Variants in THSD7B observed in about 807,000 individuals in gnomAD.
THSD7B encodes the protein thrombospondin type-1 domain-containing protein 7B.
In THSD7B, 138 loss-of-function variants were observed where a neutral mutation model predicts 213.6. That is an observed-to-expected ratio of 0.65 (90% CI 0.56 to 0.74). The LOEUF is 0.74. Among genes scored for constraint, THSD7B ranks in the 30% least tolerant of loss-of-function variants. The pLI, the probability that THSD7B is intolerant of heterozygous loss-of-function variation, is 0.00. For synonymous variants in THSD7B, 742 were observed against 687.0 expected, an observed-to-expected ratio of 1.08 and a Z score of -1.25; for missense variants, 1,931 against 1,991.5, an observed-to-expected ratio of 0.97 and a Z score of 0.58.
At chr2:137,216,782 C>T (rs1327036937) in intron 7 of THSD7B, among the ~76,000 whole-genome samples, 1 of 152,120 alleles carries the variant, frequency 6.6e-6, no homozygotes, top group African/African-American at 2.4e-5. Flanking sequence ...TTGAATAAGT[C>T]ACATGAGGCC....
At chr2:137,433,695 T>G (rs1687233816) in intron 14 of THSD7B, among the ~76,000 whole-genome samples, 1 of 152,220 alleles carries the variant, frequency 6.6e-6, no homozygotes, top group Admixed American at 6.5e-5. Flanking sequence ...ACTGCTTTTG[T>G]GCATGTTTTA....
chr2:137,265,590 A>G (rs542979077), intron 10 of THSD7B, among the ~76,000 whole-genome samples: 1 of 152,352 alleles, frequency 6.6e-6, no homozygotes, highest in African/African-American at 2.4e-5. Context: ...GAATGTTTGA[A>G]TGATGCAAGC....
At chr2:137,354,084 C>G (rs1368834359) in intron 12 of THSD7B, among the ~76,000 whole-genome samples, 1 of 151,988 alleles carries the variant, frequency 6.6e-6, no homozygotes, top group Non-Finnish European at 1.5e-5. Context: ...TCCCTCCCCT[C>G]TGCTTGAAAT....
At chr2:137,275,836 T>C in intron 11 of THSD7B, 87 bp from the exon 12 acceptor site, 1 of 1,021,794 alleles carries the variant, frequency 9.8e-7, no homozygotes, top group Non-Finnish European at 1.4e-6. Context: ...CTGTCTTTAC[T>C]TTTTTTAAAC....
intron 2 of THSD7B, among the ~76,000 whole-genome samples, chr2:137,020,361 A>G (rs528604579): frequency 1.3e-5 from 2 of 152,296 alleles, no homozygotes; most frequent in East Asian, 3.9e-4. Flanking sequence ...TGAATGCTAG[A>G]CTGAGAGACT....
intron 1 of THSD7B, among the ~76,000 whole-genome samples, chr2:136,804,687 T>A (rs1257976045): frequency 6.6e-6 from 1 of 152,218 alleles, no homozygotes; most frequent in Non-Finnish European, 1.5e-5. Context: ...GGATCCTCCT[T>A]CCTACAGATA....
intron 15 of THSD7B, among the ~76,000 whole-genome samples, chr2:137,557,897 C>T (rs1270649563): frequency 2.0e-5 from 3 of 152,160 alleles, no homozygotes; most frequent in African/African-American, 7.2e-5. Context: ...ACTGATCCCA[C>T]AGAAATACAA....
intron 2 of THSD7B, among the ~76,000 whole-genome samples, chr2:136,940,805 G>A (rs1158846455): frequency 6.8e-6 from 1 of 147,022 alleles, no homozygotes; most frequent in African/African-American, 2.5e-5. Flanking sequence ...TTTGTTAAGG[G>A]TAGTTTTTTT....
chr2:137,291,615 C>T (rs1055971491), intron 12 of THSD7B, among the ~76,000 whole-genome samples: 3 of 152,080 alleles, frequency 2.0e-5, no homozygotes, highest in African/African-American at 7.2e-5. Flanking sequence ...AACACGTTTT[C>T]TGTGCTTAAA....
At chr2:137,676,475 CAG>C in intron 27 of THSD7B, 47 bp from the exon 28 acceptor site, 1 of 1,488,124 alleles carries the variant, frequency 6.7e-7, no homozygotes, top group East Asian at 2.5e-5. Flanking sequence ...GCAGATGAAA[CAG>C]AGCTCTATGA....
intron 15 of THSD7B, among the ~76,000 whole-genome samples, chr2:137,529,354 CA>C (rs1680338736): frequency 6.6e-6 from 1 of 152,010 alleles, no homozygotes; most frequent in Non-Finnish European, 1.5e-5. Context: ...ATTTTCAAGG[CA>C]GTCAGGGAAC....
At chr2:137,598,860 T>A (rs921635178) in intron 17 of THSD7B, among the ~76,000 whole-genome samples, 3 of 145,728 alleles carry the variant, frequency 2.1e-5, no homozygotes, top group Non-Finnish European at 3.0e-5. Context: ...TTTTTTCTTT[T>A]ATGTTTCATT....
chr2:137,027,657 G>A (rs922702076), intron 2 of THSD7B, among the ~76,000 whole-genome samples: 2 of 152,154 alleles, frequency 1.3e-5, no homozygotes, highest in African/African-American at 2.4e-5. Context: ...ATGTGCTGCC[G>A]TTTCTGTCTA....
At chr2:137,606,998 C>T (rs1451966596) in intron 17 of THSD7B, among the ~76,000 whole-genome samples, 1 of 152,088 alleles carries the variant, frequency 6.6e-6, no homozygotes, top group African/African-American at 2.4e-5. Context: ...TGCTCCCAGT[C>T]TAGGGGCCTG....
intron 1 of THSD7B, among the ~76,000 whole-genome samples, chr2:136,772,495 A>G (rs1277520628): frequency 6.6e-6 from 1 of 152,220 alleles, no homozygotes; most frequent in Non-Finnish European, 1.5e-5. Context: ...CAGAAAAGAC[A>G]GACATATTTA....
chr2:137,116,799 G>C (rs916724262), intron 5 of THSD7B, among the ~76,000 whole-genome samples: 3 of 152,134 alleles, frequency 2.0e-5, no homozygotes, highest in Admixed American at 2.0e-4. Context: ...ACATAGTGTG[G>C]GGGTACGGGT....
rs567288168 is a variant in THSD7B, at chr2:137,652,075, A to G, written c.3946-3426A>G. On this transcript the variant is annotated intron_variant, in intron 21 of 27. Coordinates refer to ENST00000409968, the MANE Select transcript of THSD7B (RefSeq NM_001316349.2). ...TAAATATCTGTTAGACCTATTTGGT[A>G]TAATGTAGTTTAACTCTAGTGTTTC... 6.8e-4 allele frequency among the ~76,000 whole-genome samples: 103 copies of G among 152,182 alleles called. 2 individuals carry two copies. The South Asian group carries it at 0.018, about 27-fold the overall frequency.
At chr2:136,959,877 A>C (rs1685187604) in intron 2 of THSD7B, among the ~76,000 whole-genome samples, 1 of 152,248 alleles carries the variant, frequency 6.6e-6, no homozygotes, top group Admixed American at 6.5e-5. Flanking sequence ...AGAGACAGGA[A>C]TTAGAGATTA....
At chr2:137,546,385 A>T (rs1271137041) in intron 15 of THSD7B, among the ~76,000 whole-genome samples, 1 of 34,718 alleles carries the variant, frequency 2.9e-5, no homozygotes, top group African/African-American at 1.7e-4. Context: ...TAATATATAT[A>T]TTATATATAT....
Sources: allele counts gnomAD v4.1 joint callset (sites outside exome capture counted in the v4.1 genomes callset), GRCh38; gene constraint gnomAD v4.1.1; transcripts MANE v1.5; gene names NCBI Gene and HGNC (gene_info 2026-07-23, HGNC 2026-07-21).